Variants in FGGY observed in about 807,000 individuals in gnomAD.
FGGY encodes FGGY carbohydrate kinase domain containing.
In FGGY, 72 loss-of-function variants were observed where a neutral mutation model predicts 71.3. That is an observed-to-expected ratio of 1.01 (90% CI 0.84 to 1.23). The LOEUF is 1.23. FGGY is among the 50% of genes most tolerant of loss of function. The pLI, the probability that FGGY is intolerant of heterozygous loss-of-function variation, is 0.00. For missense variants in FGGY, 668 were observed against 682.3 expected, an observed-to-expected ratio of 0.98 and a Z score of 0.23; for synonymous variants, 251 against 250.3, an observed-to-expected ratio of 1.00 and a Z score of -0.02.
At chr1:59,315,154 TG>T (rs918471110) in intron 1 of FGGY, among the ~76,000 whole-genome samples, 1 of 152,208 alleles carries the variant, frequency 6.6e-6, no homozygotes, top group Non-Finnish European at 1.5e-5. Flanking sequence ...GATTTACCTC[TG>T]GGTTTCTGAG....
intron 5 of FGGY, among the ~76,000 whole-genome samples, chr1:59,454,547 A>G (rs963427853): frequency 3.3e-5 from 5 of 152,246 alleles, no homozygotes; most frequent in African/African-American, 1.2e-4. Flanking sequence ...ATGTAAAAAA[A>G]TCATTAATGA....
At chr1:59,422,000 GTGTGC>G (rs2065519834) in intron 5 of FGGY, among the ~76,000 whole-genome samples, 1 of 152,188 alleles carries the variant, frequency 6.6e-6, no homozygotes, top group East Asian at 1.9e-4. Flanking sequence ...GGCTTTGAGA[GTGTGC>G]TGTGATATTG....
At chr1:59,356,109 A>G (rs951319680) in intron 4 of FGGY, among the ~76,000 whole-genome samples, 3 of 152,198 alleles carry the variant, frequency 2.0e-5, no homozygotes, top group African/African-American at 7.2e-5. Flanking sequence ...AGGGGTCGGC[A>G]TTCTTCATTT....
intron 5 of FGGY, among the ~76,000 whole-genome samples, chr1:59,413,011 C>G (rs1400043597): frequency 2.6e-5 from 4 of 152,206 alleles, no homozygotes; most frequent in African/African-American, 9.7e-5. Context: ...TATGATTCTT[C>G]AGATTGTGCC....
At chr1:59,757,558 G>A (rs935758974) in intron 14 of FGGY, among the ~76,000 whole-genome samples, 3 of 152,140 alleles carry the variant, frequency 2.0e-5, no homozygotes, top group Admixed American at 6.5e-5. Context: ...TGTACTCAGC[G>A]GCTGGTTATG....
chr1:59,752,127 T>A (rs949158278), intron 14 of FGGY, among the ~76,000 whole-genome samples: 1 of 152,208 alleles, frequency 6.6e-6, no homozygotes, highest in Admixed American at 6.5e-5. Flanking sequence ...GCTGGTAAAG[T>A]GTAATTAATT....
intron 8 of FGGY, among the ~76,000 whole-genome samples, chr1:59,582,185 G>A (rs561103993): frequency 6.7e-6 from 1 of 149,580 alleles, no homozygotes; most frequent in Non-Finnish European, 1.5e-5. Flanking sequence ...GGAATTTGAG[G>A]CTGCAGTGAG....
At chr1:59,650,661 C>G (rs1276936265) in intron 11 of FGGY, among the ~76,000 whole-genome samples, 2 of 120,192 alleles carry the variant, frequency 1.7e-5, no homozygotes, top group East Asian at 4.2e-4. Flanking sequence ...ATTAGTCTTG[C>G]TAGCAGTCTA....
At chr1:59,407,833 A>G (rs2062995800) in intron 5 of FGGY, among the ~76,000 whole-genome samples, 1 of 152,202 alleles carries the variant, frequency 6.6e-6, no homozygotes, top group South Asian at 2.1e-4. Flanking sequence ...GAGCTGGAAG[A>G]CATTTTTGAA....
chr1:59,639,516 C>G (rs1420079511), intron 11 of FGGY, among the ~76,000 whole-genome samples: 2 of 152,078 alleles, frequency 1.3e-5, no homozygotes, highest in Non-Finnish European at 2.9e-5. Context: ...CCAGAGAGGG[C>G]CATGTGGCAA....
intron 13 of FGGY, among the ~76,000 whole-genome samples, chr1:59,671,968 C>T (rs1160038730): frequency 6.6e-6 from 1 of 152,152 alleles, no homozygotes; most frequent in Non-Finnish European, 1.5e-5. Context: ...TGAGTAGTTC[C>T]TCCCTGCTCA....
At chr1:59,641,385 C>T (rs781318684) in intron 11 of FGGY, 4 of 1,550,260 alleles carry the variant, frequency 2.6e-6, no homozygotes, top group Non-Finnish European at 3.5e-6. Flanking sequence ...AACATTTACC[C>T]ATTCACTGTG....
chr1:59,586,015 T>C (rs904640418), intron 8 of FGGY, among the ~76,000 whole-genome samples: 16 of 152,196 alleles, frequency 1.1e-4, no homozygotes, highest in African/African-American at 3.9e-4. Context: ...AAACAACAGA[T>C]GCTGGAGAGG....
intron 10 of FGGY, among the ~76,000 whole-genome samples, chr1:59,637,515 T>C (rs2096973112): frequency 1.3e-5 from 2 of 151,980 alleles, no homozygotes; most frequent in African/African-American, 4.8e-5. Context: ...GGCAGGAGAA[T>C]CGCTTGAATC....
At chr1:59,674,971 T>C (rs1486681805) in intron 14 of FGGY, among the ~76,000 whole-genome samples, 1 of 152,226 alleles carries the variant, frequency 6.6e-6, no homozygotes, top group Non-Finnish European at 1.5e-5. Context: ...CACTCCTTTA[T>C]CTGTAATAGT....
chr1:59,580,861 G>A (rs1274811675), intron 8 of FGGY, among the ~76,000 whole-genome samples: 1 of 152,114 alleles, frequency 6.6e-6, no homozygotes, highest in Non-Finnish European at 1.5e-5. Flanking sequence ...TTAGAGAAAA[G>A]CCCATCTATT....
chr1:59,466,667 AAAAC>A (rs2092648748), intron 6 of FGGY, among the ~76,000 whole-genome samples: 3 of 152,150 alleles, frequency 2.0e-5, no homozygotes, highest in African/African-American at 7.2e-5. Flanking sequence ...AAGAAAAAAT[AAAAC>A]AACCCCATCA....
chr1:59,752,088 A>C (rs1013443223), intron 14 of FGGY, among the ~76,000 whole-genome samples: 1 of 152,208 alleles, frequency 6.6e-6, no homozygotes, highest in African/African-American at 2.4e-5. Flanking sequence ...AAACTGATAA[A>C]TTGTCTAGTA....
At chr1:59,474,719 C>G (rs542320576) in intron 6 of FGGY, among the ~76,000 whole-genome samples, 2 of 152,204 alleles carry the variant, frequency 1.3e-5, no homozygotes, top group South Asian at 2.1e-4. Context: ...TAGGAACACA[C>G]TGATCAAGCC....
Sources: allele counts gnomAD v4.1 joint callset (sites outside exome capture counted in the v4.1 genomes callset), GRCh38; gene constraint gnomAD v4.1.1; transcripts MANE v1.5; gene names NCBI Gene and HGNC (gene_info 2026-07-23, HGNC 2026-07-21).